Variants in RBFOX2 observed in about 807,000 individuals in gnomAD.
RBFOX2 encodes RNA binding fox-1 homolog 2.
RBFOX2 carries 10 observed loss-of-function variants against 49.1 expected under a neutral mutation model. The ratio of observed to expected loss-of-function variants is 0.20; its 90% CI spans 0.13 to 0.35. The LOEUF (loss-of-function observed/expected upper bound fraction) is 0.35. RBFOX2 is among the 10% of genes least tolerant of loss of function. The pLI, the probability that RBFOX2 is intolerant of heterozygous loss-of-function variation, is 1.00. For synonymous variants in RBFOX2, 183 were observed against 187.4 expected, an observed-to-expected ratio of 0.98 and a Z score of 0.19; for missense variants, 323 against 486.9, an observed-to-expected ratio of 0.66 and a Z score of 3.17.
At position 35,825,718 on chromosome 22, in the gene RBFOX2, C is replaced by T. The variant is rs553745386; in HGVS notation, c.27+14474G>A. ...AAGATAGGCCGGGTGCAGTGGCTCA[C>T]GCCTGTAATCCCAGCACTCTGGGAG... On this transcript the variant is annotated intron_variant, in intron 1 of 11. Coordinates refer to ENST00000405409, the Ensembl canonical transcript of RBFOX2. Among the ~76,000 whole-genome samples the T allele has an allele frequency of 1.1e-4, 17 of 152,264 alleles. No individual in the cohort carries two copies. The South Asian group carries it at 2.7e-3, about 24-fold the overall frequency.
chr22:35,778,037 T>C, exon 4 of RBFOX2: 1 of 1,613,170 alleles, frequency 6.2e-7, no homozygotes, highest in South Asian at 1.1e-5. Flanking sequence ...TAGAGCCACG[T>C]TCATTAAAGA....
rs189545561 is a variant in RBFOX2 at position 35,961,595 on chromosome 22, C to T, written c.10G>A (p.Asp4Asn). 6.7e-5 allele frequency: 87 copies of T among 1,304,198 alleles called. 1 individual carries two copies. Among genetic ancestry groups the T allele is most frequent in the Non-Finnish European group, 7.7e-5 (76 of 988,936 alleles). The allele number at this position is 1,304,198 out of a possible 1,614,324, so 80.8% of individuals were successfully genotyped here. A position where few individuals can be genotyped will look rare whatever the true frequency, so the allele number is the denominator to read the frequency against. The stretch of plus-strand genomic sequence containing the variant: ...GGGTTCCTGGGCTGGTCCATGGAAT[C>T]TGATGACATCACTCTCTCTTCCTTC... Residue 4 changes from aspartate (D) to asparagine (N), a missense_variant, in exon 1 of 6, where the codon GAT becomes AAT. Transcript: ENST00000408983.
chr22:36,023,541 A>C (rs1029785832), intron 1 of RBFOX2, among the ~76,000 whole-genome samples: 2 of 152,354 alleles, frequency 1.3e-5, no homozygotes, highest in Non-Finnish European at 2.9e-5. Context: ...AGAAAAGCTG[A>C]CCAAAAGAAT....
At chr22:35,967,016 A>C (rs1438991787) in intron 1 of RBFOX2, among the ~76,000 whole-genome samples, 1 of 151,770 alleles carries the variant, frequency 6.6e-6, no homozygotes, top group Non-Finnish European at 1.5e-5. Flanking sequence ...ATGAGGTCTT[A>C]CTATGTTGTT....
intron 1 of RBFOX2, among the ~76,000 whole-genome samples, chr22:35,814,639 A>G (rs2148285591): frequency 7.2e-6 from 1 of 138,862 alleles, no homozygotes; most frequent in African/African-American, 2.7e-5. Flanking sequence ...TGAGCTTGGG[A>G]GATAGAGGCT....
chr22:35,781,535 A>G, intron 3 of RBFOX2, 65 bp downstream of exon 4: 1 of 1,545,732 alleles, frequency 6.5e-7, no homozygotes, highest in African/African-American at 1.4e-5. Context: ...AATGACTAAT[A>G]ACACATCTGG....
At chr22:35,829,030 G>A (rs563471956) in intron 1 of RBFOX2, among the ~76,000 whole-genome samples, 11 of 152,204 alleles carry the variant, frequency 7.2e-5, no homozygotes, top group African/African-American at 1.2e-4. Flanking sequence ...CAGCCTGGGC[G>A]ACAGAGCGAG....
chr22:35,784,496 T>TCC (rs1356545541), intron 2 of RBFOX2, among the ~76,000 whole-genome samples: 1 of 152,226 alleles, frequency 6.6e-6, no homozygotes, highest in Non-Finnish European at 1.5e-5. Context: ...ACAGCTGCTC[T>TCC]CCTTCAGGCC....
chr22:36,026,975 G>C (rs2059463500), intron 1 of RBFOX2, among the ~76,000 whole-genome samples: 1 of 152,106 alleles, frequency 6.6e-6, no homozygotes, highest in Admixed American at 6.6e-5. Context: ...TGGTGTAATG[G>C]AGACAGCACA....
chr22:35,850,971 C>T (rs1036278295), intron 1 of RBFOX2, among the ~76,000 whole-genome samples: 1 of 152,146 alleles, frequency 6.6e-6, no homozygotes, highest in East Asian at 1.9e-4. Context: ...CGTCCCTAAT[C>T]GTGGAGAGCC....
intron 1 of RBFOX2, among the ~76,000 whole-genome samples, chr22:36,005,545 A>C (rs528564757): frequency 6.6e-6 from 1 of 152,348 alleles, no homozygotes; most frequent in East Asian, 1.9e-4. Context: ...AGAAGATAAA[A>C]GCTTTAAATA....
chr22:35,889,846 G>A (rs1221710267), intron 1 of RBFOX2, among the ~76,000 whole-genome samples: 3 of 152,106 alleles, frequency 2.0e-5, no homozygotes, highest in African/African-American at 7.2e-5. Flanking sequence ...AATGACTAAC[G>A]TGAAACCTGA....
rs145404927 is a variant in RBFOX2, at chr22:35,899,080, T to C, written c.-34+39767A>G. Among the ~76,000 whole-genome samples the C allele has an allele frequency of 2.9e-4, 44 of 151,686 alleles. No individual in the cohort carries two copies. The East Asian group carries it at 7.4e-3, about 26-fold the overall frequency. On this transcript the variant is annotated intron_variant, in intron 1 of 13. Transcript: ENST00000359369. ...TTGCGGTGAGCCGAGGTCTAGCCAT[T>C]GCACTCCAGCCTGAGCAACAAGAGC...
At chr22:35,791,262 G>C (rs774315689) in intron 2 of RBFOX2, among the ~76,000 whole-genome samples, 25 of 151,950 alleles carry the variant, frequency 1.6e-4, no homozygotes, top group Non-Finnish European at 2.8e-4. Flanking sequence ...GCGGGTGCTT[G>C]TAATCCCAGC....
At chr22:35,864,445 A>G (rs890919323) in intron 1 of RBFOX2, among the ~76,000 whole-genome samples, 15 of 152,206 alleles carry the variant, frequency 9.9e-5, no homozygotes, top group African/African-American at 2.9e-4. Flanking sequence ...CCACCACCCA[A>G]TAACTAGAGG....
intron 2 of RBFOX2, among the ~76,000 whole-genome samples, chr22:35,791,860 G>T (rs1947737808): frequency 1.3e-5 from 2 of 152,060 alleles, no homozygotes; most frequent in Non-Finnish European, 2.9e-5. Context: ...ACTCAAATAG[G>T]TAATTTTCAC....
intron 1 of RBFOX2, among the ~76,000 whole-genome samples, chr22:35,825,651 A>C (rs189565449): frequency 6.6e-6 from 1 of 152,306 alleles, no homozygotes; most frequent in East Asian, 1.9e-4. Context: ...GCAAAATGAA[A>C]ATAAGGATCA....
At chr22:35,876,699 GAAAC>G (rs2045139827) in intron 1 of RBFOX2, among the ~76,000 whole-genome samples, 1 of 125,894 alleles carries the variant, frequency 7.9e-6, no homozygotes, top group South Asian at 2.4e-4. Context: ...CCCATTAAAA[GAAAC>G]ACACACACAC....
chr22:35,984,258 G>A lies in RBFOX2; in HGVS notation c.186+43982C>T, dbSNP rs188236618. On this transcript the variant is annotated intron_variant, in intron 1 of 13. Transcript: ENST00000438146. ...TCCTGATTTAATTGGTCTGGGTAGG[G>A]TATGGCCTAAGCACTGAAATGTTTA... Among the ~76,000 whole-genome samples, 689 of 152,280 alleles carry A rather than the reference G, an allele frequency of 4.5e-3. 5 individuals are homozygous for A. The highest frequency in any genetic ancestry group is 7.0e-3 in the Non-Finnish European group (476 of 68,008).
Sources: gnomAD v4.1 joint callset for allele counts (sites outside exome capture counted in the v4.1 genomes callset) on GRCh38, gnomAD v4.1.1 for gene constraint, MANE v1.5 for transcripts, NCBI Gene and HGNC (gene_info 2026-07-23, HGNC 2026-07-21) for gene names.